KCNMB2: variants seen among roughly 807,000 people sequenced by gnomAD.
The protein encoded by KCNMB2 is potassium calcium-activated channel subfamily M regulatory beta subunit 2, also known as calcium-activated potassium channel subunit beta-2.
Under a neutral mutation model 24.5 loss-of-function variants are expected in KCNMB2, and 9 were observed. The observed-to-expected ratio is 0.37, with a 90% CI of 0.22 to 0.64. KCNMB2 has a LOEUF of 0.64. Among genes scored for constraint, KCNMB2 ranks in the 30% least tolerant of loss-of-function variants. The pLI is 0.63. For missense variants in KCNMB2, 226 were observed against 284.3 expected, an observed-to-expected ratio of 0.79 and a Z score of 1.47; for synonymous variants, 109 against 104.4, an observed-to-expected ratio of 1.04 and a Z score of -0.27.
chr3:178,647,756 T>C (rs1334920428), intron 1 of KCNMB2, among the ~76,000 whole-genome samples: 2 of 152,162 alleles, frequency 1.3e-5, no homozygotes, highest in Admixed American at 6.6e-5. Context: ...CCAGCAGTAA[T>C]GTTTTAGGTT....
intron 1 of KCNMB2, among the ~76,000 whole-genome samples, chr3:178,591,659 G>C (rs1393832630): frequency 6.6e-6 from 1 of 152,188 alleles, no homozygotes; most frequent in East Asian, 1.9e-4. Context: ...TCTGGCATCT[G>C]TATCAAGGAG....
At chr3:178,575,862 T>A (rs571633818) in intron 1 of KCNMB2, among the ~76,000 whole-genome samples, 1 of 152,324 alleles carries the variant, frequency 6.6e-6, no homozygotes, top group Non-Finnish European at 1.5e-5. Context: ...CTGTGAACAC[T>A]GTTTAAAATC....
intron 4 of KCNMB2, among the ~76,000 whole-genome samples, chr3:178,839,186 T>A (rs1357911191): frequency 1.4e-5 from 2 of 148,042 alleles, no homozygotes; most frequent in Admixed American, 6.7e-5. Flanking sequence ...TTTCCAAACT[T>A]AAAAAAAAAA....
At position 178,699,589 on chromosome 3, in the gene KCNMB2, G is replaced by A. The variant is rs73882839; in HGVS notation, c.-67-107754G>A. 6.9e-3 allele frequency among the ~76,000 whole-genome samples: 1,053 copies of A among 152,334 alleles called. 11 individuals are homozygous for A. The highest frequency in any genetic ancestry group is 0.024 in the African/African-American group (989 of 41,576). ...GGCACCCAAAACTGCTCTGTAAGCT[G>A]GCATGACCAGGCTGGGGCCCTGGGA... On this transcript the variant is annotated intron_variant, in intron 1 of 4. Transcript: ENST00000452583.
At chr3:178,719,083 T>C (rs539361996) in intron 1 of KCNMB2, among the ~76,000 whole-genome samples, 3 of 152,348 alleles carry the variant, frequency 2.0e-5, no homozygotes, top group East Asian at 3.9e-4. Context: ...TCTGGATCTA[T>C]TATCTCTTGA....
Position 178,552,379 on chromosome 3 carries a change from AAC to A in KCNMB2, c.-68+15669_-68+15670del, listed in dbSNP as rs897325599. 9.3e-5 allele frequency among the ~76,000 whole-genome samples: 10 copies of A among 106,974 alleles called. No individual in the cohort carries two copies. The East Asian group carries it at 1.4e-3, about 15-fold the overall frequency. The allele number at this position is 106,974 out of a possible 152,430, so 70.2% of individuals were successfully genotyped here. On this transcript the variant is annotated intron_variant, in intron 1 of 4. Coordinates refer to ENST00000452583, the MANE Select transcript of KCNMB2 (RefSeq NM_181361.3). ...TTCTGCAGTTTTATTTTTTGAATTA[AAC>A]CCCCCCCCAAAATATTCTATTCTTT...
At chr3:178,587,480 A>G (rs1028738610) in intron 1 of KCNMB2, among the ~76,000 whole-genome samples, 1 of 151,946 alleles carries the variant, frequency 6.6e-6, no homozygotes, top group African/African-American at 2.4e-5. Context: ...CTGGAGTGCA[A>G]TGGTGCCATC....
At chr3:178,620,258 A>AT (rs1718860336) in intron 1 of KCNMB2, among the ~76,000 whole-genome samples, 1 of 82,224 alleles carries the variant, frequency 1.2e-5, no homozygotes, top group Non-Finnish European at 2.2e-5. Flanking sequence ...AACTAGAAAA[A>AT]AATGCCAAAA....
chr3:178,636,878 C>T (rs1446271228), intron 1 of KCNMB2, among the ~76,000 whole-genome samples: 1 of 152,136 alleles, frequency 6.6e-6, no homozygotes, highest in African/African-American at 2.4e-5. Context: ...CAACAGACCA[C>T]AGTGTGTGTT....
intron 1 of KCNMB2, chr3:178,729,294 C>T (rs1723066715): frequency 6.6e-6 from 1 of 152,130 alleles, no homozygotes; most frequent in Non-Finnish European, 1.5e-5. Context: ...TTTTCCTGGG[C>T]TGTGCTTCAT....
intron 1 of KCNMB2, among the ~76,000 whole-genome samples, chr3:178,677,906 T>C (rs532927018): frequency 6.6e-6 from 1 of 152,332 alleles, no homozygotes; most frequent in South Asian, 2.1e-4. Flanking sequence ...TAAATGATCA[T>C]GTATGTTACA....
rs1034983181 is a variant in KCNMB2, at chr3:178,684,998, A to C, written c.-67-122345A>C. Among the ~76,000 whole-genome samples, 24 of 152,338 alleles carry C rather than the reference A, an allele frequency of 1.6e-4. 1 individual carries two copies. Among genetic ancestry groups the C allele is most frequent in the African/African-American group, 5.5e-4 (23 of 41,586 alleles). ...CTTTCTTACCTAAAGAAATGCATAC[A>C]TCTTTTATCTGTTTGGAAAGCCCTC... On this transcript the variant is annotated intron_variant, in intron 1 of 4. Transcript: ENST00000452583.
intron 1 of KCNMB2, among the ~76,000 whole-genome samples, chr3:178,788,922 G>C (rs1713213460): frequency 6.6e-6 from 1 of 152,148 alleles, no homozygotes; most frequent in African/African-American, 2.4e-5. Context: ...ACCCAACTCG[G>C]TGCCTGCCAC....
At chr3:178,673,961 T>A (rs972881475) in intron 1 of KCNMB2, among the ~76,000 whole-genome samples, 1 of 152,188 alleles carries the variant, frequency 6.6e-6, no homozygotes, top group Non-Finnish European at 1.5e-5. Context: ...CTACCAATCG[T>A]TTTAATCATG....
At chr3:178,576,811 G>C (rs1202324685) in intron 1 of KCNMB2, among the ~76,000 whole-genome samples, 2 of 152,218 alleles carry the variant, frequency 1.3e-5, no homozygotes, top group African/African-American at 2.4e-5. Context: ...TCCCTGGGCA[G>C]GGCATCTCTG....
At chr3:178,680,155 A>G (rs1446437953) in intron 1 of KCNMB2, among the ~76,000 whole-genome samples, 1 of 152,176 alleles carries the variant, frequency 6.6e-6, no homozygotes, top group Non-Finnish European at 1.5e-5. Flanking sequence ...TTCTTCTTGA[A>G]TGAGACTGCA....
In KCNMB2 at chr3:178,732,688, A is replaced by G. The variant is rs375229988; in HGVS notation, c.-67-74655A>G. Among the ~76,000 whole-genome samples the G allele has an allele frequency of 3.9e-5, 6 of 152,224 alleles. No individual in the cohort carries two copies. The East Asian group carries it at 7.7e-4, about 20-fold the overall frequency. Reference sequence around the variant, plus strand: ...TGATGTTGCCCTGAGTGCAATGTTAATGAATCAATAATGTATATTATATAA... The same window carrying G: ...TGATGTTGCCCTGAGTGCAATGTTAGTGAATCAATAATGTATATTATATAA... On this transcript the variant is annotated intron_variant, in intron 1 of 4. Transcript: ENST00000452583.
chr3:178,766,534 A>G (rs911679416), intron 1 of KCNMB2, among the ~76,000 whole-genome samples: 1 of 152,052 alleles, frequency 6.6e-6, no homozygotes, highest in Admixed American at 6.6e-5. Flanking sequence ...AGTTAACCTA[A>G]TTCTGCCTTG....
At chr3:178,722,443 T>C (rs1253175112) in intron 1 of KCNMB2, among the ~76,000 whole-genome samples, 1 of 152,134 alleles carries the variant, frequency 6.6e-6, no homozygotes, top group Non-Finnish European at 1.5e-5. Context: ...CATCCCATGG[T>C]GGAAGGCAAG....
Sources: gnomAD v4.1 joint callset for allele counts (sites outside exome capture counted in the v4.1 genomes callset) on GRCh38, gnomAD v4.1.1 for gene constraint, MANE v1.5 for transcripts, NCBI Gene and HGNC (gene_info 2026-07-23, HGNC 2026-07-21) for gene names.